Variants in SLC12A7 observed in about 807,000 individuals in gnomAD.
SLC12A7 encodes K-Cl cotransporter 4.
Under a neutral mutation model 120.6 loss-of-function variants are expected in SLC12A7, and 100 were observed. The ratio of observed to expected loss-of-function variants is 0.83; its 90% CI spans 0.71 to 0.98. The LOEUF (loss-of-function observed/expected upper bound fraction) is 0.98, where lower values mean the gene tolerates loss of function less well. Among genes scored for constraint, SLC12A7 ranks in the 50% least tolerant of loss-of-function variants. SLC12A7 has a pLI of 0.00. For synonymous variants in SLC12A7, 760 were observed against 678.0 expected, an observed-to-expected ratio of 1.12 and a Z score of -1.88; for missense variants, 1,373 against 1,548.1, an observed-to-expected ratio of 0.89 and a Z score of 1.90.
Position 1,083,843 on chromosome 5 carries a change from T to C in SLC12A7, c.1031A>G (p.Asn344Ser). The change falls in exon 8 of 24, where the codon AAC becomes AGC. Residue 344 changes from asparagine (N) to serine (S), a missense_variant. Transcript: ENST00000264930. ...ATSALWGLFC[N>S]GSQPSAACDE... ...ACAGGCGGCGCTGGGCTGGGAGCCG[T>C]TGCAGAAGAGGCCCCAGAGCGCGGA... The C allele has an allele frequency of 6.2e-7, 1 of 1,608,424 alleles. No individual in the cohort carries two copies. The highest frequency in any genetic ancestry group is 2.2e-5 in the East Asian group (1 of 44,736).
chr5:1,131,768 AG>A, the SLC12A7 span, among the ~76,000 whole-genome samples: 1 of 152,358 alleles, frequency 6.6e-6, no homozygotes, highest in East Asian at 1.9e-4. Context: ...GACACGGGAA[AG>A]GGGCTCCTTT....
In SLC12A7 at chr5:1,081,647, C is replaced by CAG; in HGVS notation, c.1225_1226dup (p.Pro410CysfsTer23). On this transcript the variant is annotated frameshift_variant, in exon 9 of 24. Coordinates refer to ENST00000264930, the MANE Select transcript of SLC12A7 (RefSeq NM_006598.3). LOFTEE classifies it high-confidence loss of function. Reference sequence around the variant, plus strand: ...CCGCGATGTCGGTGAGCACGTAGGGCAGTGCGCTGGCACGGCTCTCCTCTG... The same window carrying CAG: ...CCGCGATGTCGGTGAGCACGTAGGGCAGAGTGCGCTGGCACGGCTCTCCTCTG... 2 of 1,613,184 alleles carry CAG rather than the reference C, an allele frequency of 1.2e-6. No homozygotes were observed. Among genetic ancestry groups the CAG allele is most frequent in the Non-Finnish European group, 1.7e-6 (2 of 1,179,956 alleles).
In SLC12A7 at chr5:1,050,612, T is replaced by G. The variant is rs1734942274; in HGVS notation, c.*1748A>C. 1 of 367,210 alleles carries G rather than the reference T, an allele frequency of 2.7e-6. No individual in the cohort carries two copies. 22.7% of individuals were successfully genotyped at this position (367,210 alleles called of 1,614,324 possible). ...TGAGCGGCCCTCAGAAGCAGGGCTG[T>G]TTTCCAGCCACCAACCAACGTTCAG... On this transcript the variant is annotated 3_prime_UTR_variant, in exon 24 of 24. Coordinates refer to ENST00000264930, the MANE Select transcript of SLC12A7 (RefSeq NM_006598.3).
At chr5:1,133,328 A>G in the SLC12A7 span, among the ~76,000 whole-genome samples, 2 of 151,788 alleles carry the variant, frequency 1.3e-5, no homozygotes, top group Non-Finnish European at 1.5e-5. Context: ...CAACCCCCCG[A>G]CCTCCTCAGG....
At chr5:1,134,876 G>A in the SLC12A7 span, among the ~76,000 whole-genome samples, 1 of 152,264 alleles carries the variant, frequency 6.6e-6, no homozygotes, top group Non-Finnish European at 1.5e-5. Flanking sequence ...GCTCATCCCT[G>A]TAACCCCAGC....
the SLC12A7 span, among the ~76,000 whole-genome samples, chr5:1,123,832 CGTTT>C: frequency 6.6e-6 from 1 of 152,208 alleles, no homozygotes; most frequent in Non-Finnish European, 1.5e-5. Flanking sequence ...TGACTTTCTT[CGTTT>C]GTTTCATTAA....
chr5:1,144,940 A>G, the SLC12A7 span, among the ~76,000 whole-genome samples: 2 of 152,266 alleles, frequency 1.3e-5, no homozygotes, highest in African/African-American at 2.4e-5. Context: ...GTCCTGAGGC[A>G]AAACGTGAAG....
intron 14 of SLC12A7, 181 bp downstream of exon 14, chr5:1,075,957 C>T (rs543226865): frequency 3.9e-5 from 23 of 589,132 alleles, no homozygotes; most frequent in East Asian, 3.1e-4. Flanking sequence ...GGGCTTACTC[C>T]GCAAAGGAAC....
chr5:1,069,514 A>G (rs1007147278), intron 17 of SLC12A7, among the ~76,000 whole-genome samples: 1 of 152,218 alleles, frequency 6.6e-6, no homozygotes, highest in Non-Finnish European at 1.5e-5. Context: ...GGGCACCCGC[A>G]TGGGAGGGAC....
chr5:1,064,859 C>CGAGGAGATGGA (rs1554012897), intron 18 of SLC12A7, among the ~76,000 whole-genome samples: 1 of 40,414 alleles, frequency 2.5e-5, no homozygotes, highest in Non-Finnish European at 4.4e-5. Context: ...GAGGAGACGG[C>CGAGGAGATGGA]GAGGGGACAG....
At position 1,080,235 on chromosome 5, in the gene SLC12A7, GACACCAGGAGCCA is replaced by G. The variant is rs1561068559; in HGVS notation, c.1298-752_1298-740del. On this transcript the variant is annotated intron_variant, in intron 9 of 23. Coordinates refer to ENST00000264930, the MANE Select transcript of SLC12A7 (RefSeq NM_006598.3). ...CCACGCCCTCCACCCGCGGCGCGGA[GACACCAGGAGCCA>G]CGCAGAGGCTCTGCCCCCACGCCCT... 1.1e-4 allele frequency among the ~76,000 whole-genome samples: 11 copies of G among 95,790 alleles called. 3 individuals carry two copies. The highest frequency in any genetic ancestry group is 2.3e-4 in the African/African-American group (5 of 22,148). The allele number at this position is 95,790 out of a possible 152,430, so 62.8% of individuals were successfully genotyped here.
Position 1,051,331 on chromosome 5 carries a change from G to A in SLC12A7, c.*1029C>T, listed in dbSNP as rs1241883779. ...GTGTCCTCCTTCCCTGGAGCACCGGGGTGGGGATGGCACGTGTGAGCCAGC... is the reference window on the plus strand; with the variant it reads ...GTGTCCTCCTTCCCTGGAGCACCGGAGTGGGGATGGCACGTGTGAGCCAGC... On this transcript the variant is annotated 3_prime_UTR_variant, in exon 24 of 24. Coordinates refer to ENST00000264930, the MANE Select transcript of SLC12A7 (RefSeq NM_006598.3). 6.1e-6 allele frequency: 1 copy of A among 164,772 alleles called. No homozygotes were observed. The highest frequency in any genetic ancestry group is 1.3e-5 in the Non-Finnish European group (1 of 76,790). The allele number at this position is 164,772 out of a possible 1,614,324, so 10.2% of individuals were successfully genotyped here.
At chr5:1,104,615 G>A (rs1456983494) in intron 1 of SLC12A7, among the ~76,000 whole-genome samples, 2 of 152,194 alleles carry the variant, frequency 1.3e-5, no homozygotes, top group Non-Finnish European at 2.9e-5. Context: ...ACACAGGCCT[G>A]GGCGGGGCCC....
At chr5:1,123,830 T>C in the SLC12A7 span, among the ~76,000 whole-genome samples, 1 of 152,264 alleles carries the variant, frequency 6.6e-6, no homozygotes, top group South Asian at 2.1e-4. Flanking sequence ...CTTGACTTTC[T>C]TCGTTTGTTT....
chr5:1,098,133 CCCAGCCCCCACAACCCTCTGCAA>C (rs1240032465), intron 1 of SLC12A7, among the ~76,000 whole-genome samples: 1,560 of 119,896 alleles, frequency 0.013, 22 homozygotes, highest in African/African-American at 0.049. Flanking sequence ...CCTCTGCAAG[CCCAGCCCCCACAACCCTCTGCAA>C]GCCCAGCCCC....
chr5:1,080,015 C>T lies in SLC12A7; in HGVS notation c.1298-519G>A, dbSNP rs561180446. On this transcript the variant is annotated intron_variant, in intron 9 of 23. Coordinates refer to ENST00000264930, the MANE Select transcript of SLC12A7 (RefSeq NM_006598.3). ...CCTACAAAGCTCTGGGAAGCCGGGT[C>T]GGTGGGGGCCACTTCACGCCTGGCT... is the stretch of plus-strand genomic sequence containing the variant. Among the ~76,000 whole-genome samples, 188 of 152,320 alleles carry T rather than the reference C, an allele frequency of 1.2e-3. 1 individual carries two copies. The highest frequency in any genetic ancestry group is 2.1e-3 in the Non-Finnish European group (146 of 68,022).
the SLC12A7 span, among the ~76,000 whole-genome samples, chr5:1,154,579 C>T: frequency 7.2e-5 from 11 of 152,278 alleles, no homozygotes; most frequent in East Asian, 3.9e-4. Context: ...ACATGGCTCC[C>T]GGCAGTGCTG....
chr5:1,117,914 A>C, the SLC12A7 span, among the ~76,000 whole-genome samples: 1 of 152,166 alleles, frequency 6.6e-6, no homozygotes, highest in African/African-American at 2.4e-5. The surrounding 1 kb of genome is among the most constrained non-coding windows in gnomAD (Gnocchi z 4.5). Context: ...TACTAAAAAT[A>C]CACACAAAAA....
At chr5:1,136,838 CACATATGCTCAAACAG>C in the SLC12A7 span, among the ~76,000 whole-genome samples, 1 of 137,342 alleles carries the variant, frequency 7.3e-6, no homozygotes, top group African/African-American at 2.9e-5. Context: ...CACGCAGGCA[CACATATGCTCAAACAG>C]CAGGACACGC....
Sources: gnomAD v4.1 joint callset for allele counts (sites outside exome capture counted in the v4.1 genomes callset) on GRCh38, gnomAD v4.1.1 for gene constraint, Gnocchi (gnomAD v3.1) non-coding constraint, MANE v1.5 for transcripts, NCBI Gene and HGNC (gene_info 2026-07-23, HGNC 2026-07-21) for gene names.